NXN: variants seen among roughly 807,000 people sequenced by gnomAD.
The protein encoded by NXN is nucleoredoxin, also known as nucleoredoxin 1.
A neutral mutation model predicts 48.6 loss-of-function variants in NXN; 16 were observed. That is an observed-to-expected ratio of 0.33 (90% CI 0.22 to 0.50). The LOEUF (loss-of-function observed/expected upper bound fraction) is 0.50. Among genes scored for constraint, NXN ranks in the 20% least tolerant of loss-of-function variants. NXN has a pLI of 0.98. For missense variants in NXN, 492 were observed against 605.5 expected, an observed-to-expected ratio of 0.81 and a Z score of 1.97; for synonymous variants, 281 against 269.6, an observed-to-expected ratio of 1.04 and a Z score of -0.41.
intron 1 of NXN, among the ~76,000 whole-genome samples, chr17:853,346 G>A (rs1009060159): frequency 6.6e-6 from 1 of 151,954 alleles, no homozygotes; most frequent in African/African-American, 2.4e-5. Flanking sequence ...TACTCGGGAG[G>A]TGGAGGCAGG....
At chr17:877,367 C>T (rs1423436877) in intron 1 of NXN, among the ~76,000 whole-genome samples, 1 of 152,006 alleles carries the variant, frequency 6.6e-6, no homozygotes, top group African/African-American at 2.4e-5. Context: ...AGGATGGTCT[C>T]GATCTCCTGA....
chr17:972,391 C>T (rs544405801), intron 1 of NXN, among the ~76,000 whole-genome samples: 2 of 151,234 alleles, frequency 1.3e-5, no homozygotes, highest in South Asian at 2.1e-4. Context: ...GCAGGAGAAT[C>T]GCTTGAACCC....
At chr17:833,976 G>A (rs978927336) in intron 1 of NXN, among the ~76,000 whole-genome samples, 6 of 152,172 alleles carry the variant, frequency 3.9e-5, no homozygotes, top group South Asian at 2.1e-4. Flanking sequence ...TCAGGATGGC[G>A]AACATCAGAG....
rs139124939 is a variant in NXN at position 805,081 on chromosome 17, G to A, written c.987C>T (p.Leu329=). The A allele has an allele frequency of 4.4e-5, 69 of 1,585,030 alleles. No homozygotes were observed. The East Asian group carries it at 5.3e-4, about 12-fold the overall frequency. Residue 329 remains leucine (L), a synonymous_variant, in exon 6 of 8, where the codon CTC becomes CTT. Transcript: ENST00000336868. ...NAAQLNEGPC[L]VLFVDSEDDG... is the part of the protein sequence containing the mutation. Reference sequence around the variant, plus strand: ...TGAGCTTCATACCTACAAAAAGGACGAGGCAGGGGCCCTCGTTAAGCTGCG... The same window carrying A: ...TGAGCTTCATACCTACAAAAAGGACAAGGCAGGGGCCCTCGTTAAGCTGCG...
chr17:944,410 G>C (rs532575061), intron 1 of NXN, among the ~76,000 whole-genome samples: 1 of 152,136 alleles, frequency 6.6e-6, no homozygotes, highest in Non-Finnish European at 1.5e-5. Context: ...CCGCAGGTCC[G>C]TACCCCCGTC....
chr17:812,955 GGTGTGCATGTTTGTAGGT>G (rs1912239849), intron 5 of NXN, among the ~76,000 whole-genome samples: 2 of 149,466 alleles, frequency 1.3e-5, no homozygotes, highest in Admixed American at 6.7e-5. Flanking sequence ...TGTGAGTGTA[GGTGTGCATGTTTGTAGGT>G]GTGTGTGCAC....
chr17:945,980 G>A (rs149230047), intron 1 of NXN, among the ~76,000 whole-genome samples: 5 of 151,976 alleles, frequency 3.3e-5, no homozygotes, highest in Admixed American at 2.0e-4. Context: ...TCACCCTTTC[G>A]GCCACAAAAA....
chr17:895,543 T>C (rs928535231), intron 1 of NXN, among the ~76,000 whole-genome samples: 8 of 151,182 alleles, frequency 5.3e-5, no homozygotes, highest in African/African-American at 1.9e-4. Flanking sequence ...CCGGGCGCAG[T>C]GGCTCACGCC....
At chr17:858,863 T>C (rs1279001182) in intron 1 of NXN, among the ~76,000 whole-genome samples, 1 of 152,230 alleles carries the variant, frequency 6.6e-6, no homozygotes, top group African/African-American at 2.4e-5. Flanking sequence ...GTTCCTGCTC[T>C]TCCCTCACTC....
chr17:812,205 G>C (rs1015673527), intron 5 of NXN, among the ~76,000 whole-genome samples: 1 of 152,090 alleles, frequency 6.6e-6, no homozygotes, highest in Non-Finnish European at 1.5e-5. Flanking sequence ...GGGATTACAG[G>C]CGTGAGCCAC....
intron 1 of NXN, among the ~76,000 whole-genome samples, chr17:881,454 C>G (rs978205759): frequency 6.6e-6 from 1 of 152,164 alleles, no homozygotes; most frequent in Non-Finnish European, 1.5e-5. Context: ...CTCAAACTCC[C>G]GGGCTCAAGA....
chr17:891,200 G>C (rs548596362), intron 1 of NXN, among the ~76,000 whole-genome samples: 2 of 152,114 alleles, frequency 1.3e-5, no homozygotes, highest in East Asian at 3.9e-4. Context: ...TCAGCCTCCC[G>C]AATGGCTGGG....
At chr17:884,941 G>A (rs1308373855) in intron 1 of NXN, among the ~76,000 whole-genome samples, 2 of 152,174 alleles carry the variant, frequency 1.3e-5, no homozygotes, top group Non-Finnish European at 2.9e-5. Context: ...ACTCAGCGGA[G>A]GACACAGGAG....
intron 5 of NXN, among the ~76,000 whole-genome samples, chr17:816,001 A>T (rs911390656): frequency 6.6e-6 from 1 of 152,188 alleles, no homozygotes; most frequent in African/African-American, 2.4e-5. Context: ...AGGGATTAGA[A>T]GAAACCCAGG....
In NXN at chr17:822,435, G is replaced by C. The variant is rs949521640; in HGVS notation, c.635C>G (p.Thr212Ser). The C allele has an allele frequency of 6.2e-7, 1 of 1,614,078 alleles. No individual in the cohort carries two copies. The change falls in exon 4 of 8, where the codon ACC becomes AGC. Residue 212 changes from threonine to serine, a missense_variant. By Grantham distance (58) the Thr-to-Ser change is moderately conservative. Around this residue, in one of 3 missense-constraint regions of NXN, gnomAD observed 303 missense variants for 388.3 expected, o/e 0.78. Transcript: ENST00000336868. ...AHWCPPCRSLTRVLVESYRKI... is the reference protein window; with the variant it reads ...AHWCPPCRSLSRVLVESYRKI... Reference sequence around the variant, plus strand: ...CCGGTAGGATTCCACCAGGACCCGGGTGAGGCTTCGGCAGGGCGGACACTG... The same window carrying C: ...CCGGTAGGATTCCACCAGGACCCGGCTGAGGCTTCGGCAGGGCGGACACTG...
chr17:952,993 G>T (rs560809520), intron 1 of NXN, among the ~76,000 whole-genome samples: 1 of 152,072 alleles, frequency 6.6e-6, no homozygotes, highest in Non-Finnish European at 1.5e-5. Context: ...GTCCTAGAGG[G>T]GTCCTAGGCT....
chr17:936,510 C>T (rs547608032), intron 1 of NXN, among the ~76,000 whole-genome samples: 6 of 151,794 alleles, frequency 4.0e-5, no homozygotes, highest in African/African-American at 9.7e-5. Context: ...CCTTCCACAC[C>T]TTCCGGTCCC....
chr17:979,199 G>T (rs1439438324), intron 1 of NXN, 120 bp downstream of exon 1: 3 of 420,824 alleles, frequency 7.1e-6, no homozygotes, highest in East Asian at 1.5e-4. Context: ...GGGTCGGGGG[G>T]TGGAGGGCGG....
At chr17:813,080 C>T (rs988823345) in intron 5 of NXN, among the ~76,000 whole-genome samples, 10 of 152,192 alleles carry the variant, frequency 6.6e-5, no homozygotes, top group African/African-American at 2.4e-4. Context: ...TGGAACACGT[C>T]CACTGAATGA....
Sources: allele counts gnomAD v4.1 joint callset (sites outside exome capture counted in the v4.1 genomes callset), GRCh38; gene constraint gnomAD v4.1.1; regional missense constraint gnomAD v4.1.1; transcripts MANE v1.5; gene names NCBI Gene and HGNC (gene_info 2026-07-23, HGNC 2026-07-21).